Variants in ANO3 observed in about 807,000 individuals in gnomAD.
The protein encoded by ANO3 is anoctamin 3.
Under a neutral mutation model 144.8 loss-of-function variants are expected in ANO3, and 99 were observed. The ratio of observed to expected loss-of-function variants is 0.68; its 90% confidence interval spans 0.58 to 0.81. ANO3 has a LOEUF of 0.81. Ranked by LOEUF, ANO3 falls within the 30% of genes least tolerant of loss-of-function variation. The probability of loss-of-function intolerance (pLI) is 0.00; values close to 1 mark genes in which losing one functional copy is unlikely to be tolerated. For missense variants in ANO3, 905 were observed against 1,202.2 expected (o/e 0.75, Z 3.66); for synonymous variants, 414 against 392.6 (o/e 1.05, Z -0.64).
intron 4 of ANO3, among the ~76,000 whole-genome samples, chr11:26,505,027 A>G (rs1328069307): frequency 1.3e-5 from 2 of 150,618 alleles, no homozygotes; most frequent in Admixed American, 1.3e-4. Flanking sequence ...AAAAAAAAAA[A>G]AAAAAAAAAA....
chr11:26,443,471 G>A (rs983980001), intron 2 of ANO3, among the ~76,000 whole-genome samples: 1 of 152,052 alleles, frequency 6.6e-6, no homozygotes, highest in Admixed American at 6.5e-5. Flanking sequence ...GCATGATGGT[G>A]CACACCTATA....
intron 1 of ANO3, among the ~76,000 whole-genome samples, chr11:26,314,953 G>T (rs569714784): frequency 2.0e-5 from 3 of 152,190 alleles, no homozygotes; most frequent in African/African-American, 7.2e-5. Flanking sequence ...AAGCCATTCA[G>T]CATTGCATAG....
At chr11:26,535,353 G>T (rs10767552) in intron 9 of ANO3, among the ~76,000 whole-genome samples, 1 of 151,894 alleles carries the variant, frequency 6.6e-6, no homozygotes, top group Non-Finnish European at 1.5e-5. Flanking sequence ...TAAAATTGCA[G>T]AATTTACATA....
intron 14 of ANO3, among the ~76,000 whole-genome samples, chr11:26,573,670 C>T (rs1850912647): frequency 6.6e-6 from 1 of 152,108 alleles, no homozygotes; most frequent in Non-Finnish European, 1.5e-5. Flanking sequence ...GTTTTCACTG[C>T]CATAAAAGTC....
At chr11:26,310,384 A>G (rs1854478349) in intron 1 of ANO3, among the ~76,000 whole-genome samples, 1 of 152,216 alleles carries the variant, frequency 6.6e-6, no homozygotes, top group African/African-American at 2.4e-5. Context: ...CGGAGAATAG[A>G]TCATTCAGAA....
chr11:26,629,701 G>A (rs182821967), intron 18 of ANO3, among the ~76,000 whole-genome samples: 195 of 152,066 alleles, frequency 1.3e-3, no homozygotes, highest in Non-Finnish European at 2.2e-3. Flanking sequence ...GTGCAATCTC[G>A]ACTCACCGCA....
chr11:26,595,508 CT>C (rs1851597061), intron 14 of ANO3, among the ~76,000 whole-genome samples: 1 of 107,444 alleles, frequency 9.3e-6, no homozygotes, highest in South Asian at 3.1e-4. Flanking sequence ...TACTTTAAGG[CT>C]TGGCTGAGTG....
chr11:26,495,893 C>T (rs1860917342), intron 4 of ANO3, among the ~76,000 whole-genome samples: 1 of 152,188 alleles, frequency 6.6e-6, no homozygotes, highest in African/African-American at 2.4e-5. Context: ...GAATTGTCTG[C>T]TTTGGAGCAC....
chr11:26,276,331 A>C (rs1853559807), intron 1 of ANO3, among the ~76,000 whole-genome samples: 1 of 152,158 alleles, frequency 6.6e-6, no homozygotes, highest in Admixed American at 6.6e-5. Flanking sequence ...TCAGGAATTA[A>C]AATTTTAGCA....
intron 1 of ANO3, among the ~76,000 whole-genome samples, chr11:26,231,999 C>T (rs943419199): frequency 3.3e-5 from 5 of 152,152 alleles, no homozygotes; most frequent in African/African-American, 4.8e-5. Context: ...TGCTTCTTCC[C>T]TTTCAAGATG....
At chr11:26,405,396 G>A (rs963994456) in intron 1 of ANO3, among the ~76,000 whole-genome samples, 1 of 151,744 alleles carries the variant, frequency 6.6e-6, no homozygotes, top group Non-Finnish European at 1.5e-5. Context: ...TCCTAAATGT[G>A]TGTGCTTTAA....
chr11:26,256,743 G>T (rs11029436), intron 1 of ANO3, among the ~76,000 whole-genome samples: 2,792 of 152,160 alleles, frequency 0.018, 67 homozygotes, highest in East Asian at 0.12. Context: ...TTATTTTTCT[G>T]CCCCCTTTTT....
chr11:26,393,253 T>G (rs768427448), intron 1 of ANO3, among the ~76,000 whole-genome samples: 8 of 152,090 alleles, frequency 5.3e-5, no homozygotes, highest in Non-Finnish European at 1.2e-4. Context: ...CCCTATACAG[T>G]CCTCATCTTG....
chr11:26,432,411 T>C (rs1390817558), intron 1 of ANO3, among the ~76,000 whole-genome samples: 1 of 152,314 alleles, frequency 6.6e-6, no homozygotes, highest in East Asian at 1.9e-4. Flanking sequence ...TTTAATTACA[T>C]CCCATTTTCC....
At chr11:26,564,143 T>G (rs1417555406) in intron 14 of ANO3, among the ~76,000 whole-genome samples, 2 of 151,708 alleles carry the variant, frequency 1.3e-5, no homozygotes, top group Non-Finnish European at 2.9e-5. Context: ...ATAGCAATGG[T>G]AAGAGTAAGT....
At chr11:26,316,448 A>G (rs144477804) in intron 1 of ANO3, among the ~76,000 whole-genome samples, 5,787 of 152,270 alleles carry the variant, frequency 0.038, 382 homozygotes, top group African/African-American at 0.13. Flanking sequence ...TAGTGTGTGC[A>G]TCAGCAATTT....
At chr11:26,563,019 T>C in intron 14 of ANO3, 1 of 1,466,334 alleles carries the variant, frequency 6.8e-7, no homozygotes, top group Non-Finnish European at 9.0e-7. Context: ...TCATATGAAT[T>C]CTTTTGGAAT....
chr11:26,345,964 T>C (rs150156502), intron 1 of ANO3, among the ~76,000 whole-genome samples: 4 of 152,346 alleles, frequency 2.6e-5, no homozygotes, highest in Non-Finnish European at 5.9e-5. Flanking sequence ...TAACTTGTTT[T>C]CATAAACACT....
Position 26,599,604 on chromosome 11 carries a change from A to AT in ANO3, c.1727dup (p.Met576IlefsTer40). ...AGTTGTGGTGTACCGCCTGGTTGTC[A>AT]TGGAACAGTTTGCATCATTCAAGTG... is the stretch of plus-strand genomic sequence containing the variant. On this transcript the variant is annotated frameshift_variant, in exon 17 of 27. Transcript: ENST00000256737. LOFTEE classifies it high-confidence loss of function. 1 of 1,614,150 alleles carries AT rather than the reference A, an allele frequency of 6.2e-7. No homozygotes were observed. Among genetic ancestry groups the AT allele is most frequent in the Non-Finnish European group, 8.5e-7 (1 of 1,180,004 alleles).
Sources: gnomAD v4.1 joint callset for allele counts (sites outside exome capture counted in the v4.1 genomes callset) on GRCh38, gnomAD v4.1.1 for gene constraint, MANE v1.5 for transcripts, NCBI Gene and HGNC (gene_info 2026-07-23, HGNC 2026-07-21) for gene names.